The following HIP1R variants were observed in gnomAD, a reference collection of about 807,000 sequenced individuals.
HIP1R encodes the protein huntingtin-interacting protein 1-related protein.
In HIP1R, 135 loss-of-function variants were observed where a neutral mutation model predicts 144.2. The observed-to-expected ratio is 0.94, with a 90% confidence interval of 0.81 to 1.08. The LOEUF is 1.08. Ranked by LOEUF, HIP1R falls within the 50% of genes least tolerant of loss-of-function variation. The pLI, the probability that HIP1R is intolerant of heterozygous loss-of-function variation, is 0.00. For synonymous variants in HIP1R, 698 were observed against 612.8 expected (o/e 1.14, Z -2.05); for missense variants, 1,462 against 1,432.8 (o/e 1.02, Z -0.33).
At position 122,850,837 on chromosome 12, in the gene HIP1R, TCC is replaced by T; in HGVS notation, c.444_445del (p.Gln149ValfsTer10). ...LTKISFHLKHPQFPAGLEVTD... is the reference protein window; with the variant it reads ...LTKISFHLKHXQFPAGLEVTD... ...CTGGGTGGGGGTTCTCTCCACAGCATCCCCAGTTTCCCGCGGGCCTGGAGGTG... is the reference window on the plus strand; with the variant it reads ...CTGGGTGGGGGTTCTCTCCACAGCATCCAGTTTCCCGCGGGCCTGGAGGTG... On this transcript the variant is annotated frameshift_variant, in exon 6 of 32. Coordinates refer to ENST00000253083, the MANE Select transcript of HIP1R (RefSeq NM_003959.3). LOFTEE classifies it high-confidence loss of function. The T allele has an allele frequency of 6.2e-7, 1 of 1,608,436 alleles. No homozygotes were observed. Among genetic ancestry groups the T allele is most frequent in the Non-Finnish European group, 8.5e-7 (1 of 1,178,232 alleles).
At chr12:122,861,094 G>T (rs1355460172) in intron 29 of HIP1R, 37 bp from the exon 30 acceptor site, 3 of 1,613,462 alleles carry the variant, frequency 1.9e-6, no homozygotes, top group African/African-American at 1.3e-5. Context: ...ATGGGGGTGG[G>T]TGCCCAGATG....
chr12:122,861,758 C>A lies in HIP1R; in HGVS notation c.*5C>A. 6.2e-7 allele frequency: 1 copy of A among 1,613,944 alleles called. No individual in the cohort carries two copies. Among genetic ancestry groups the A allele is most frequent in the South Asian group, 1.1e-5 (1 of 91,080 alleles). On this transcript the variant is annotated 3_prime_UTR_variant, in exon 32 of 32. Transcript: ENST00000253083. ...GCTCAACTCGTGAACTACTAGGCCC[C>A]CCAGGGGTCCAGCAGGGTGGCTGGT...
rs757074821 is a variant in HIP1R at position 122,848,722 on chromosome 12, TG to T, written c.301-70del. 8.8e-6 allele frequency: 14 copies of T among 1,598,742 alleles called. No homozygotes were observed. The African/African-American group carries it at 1.2e-4, about 14-fold the overall frequency. ...TCCGGGCTGTTCCTCCCGCCTCGGGTGGGGAGTGCGTGTCTCAGGGCCCTGC... is the reference window on the plus strand; with the variant it reads ...TCCGGGCTGTTCCTCCCGCCTCGGGTGGGAGTGCGTGTCTCAGGGCCCTGC... On this transcript the variant is annotated intron_variant, in intron 3 of 31. Coordinates refer to ENST00000253083, the MANE Select transcript of HIP1R (RefSeq NM_003959.3).
chr12:122,855,361 A>G lies in HIP1R; in HGVS notation c.949A>G (p.Asn317Asp). ...GGCCCCGGAAGATGAGGAGCCGGAGAATCTCATTGAGATCAGCACAGGGCC... is the reference window on the plus strand; with the variant it reads ...GGCCCCGGAAGATGAGGAGCCGGAGGATCTCATTGAGATCAGCACAGGGCC... ...EEAPEDEEPE[N>D]LIEISTGPPA... Residue 317 changes from asparagine (N) to aspartate (D), a missense_variant, in exon 11 of 32, where the codon AAT becomes GAT. Physicochemically the swap from Asn to Asp is conservative, Grantham distance 23 (BLOSUM62 1). This residue lies in a region of HIP1R where 1,112 missense variants were observed against 1,011.7 expected (regional missense o/e 1.10). Coordinates refer to ENST00000253083, the MANE Select transcript of HIP1R (RefSeq NM_003959.3). 3.1e-6 allele frequency: 5 copies of G among 1,600,290 alleles called. No individual in the cohort carries two copies. Among genetic ancestry groups the G allele is most frequent in the Non-Finnish European group, 4.3e-6 (5 of 1,174,580 alleles).
In HIP1R at chr12:122,860,156, G is replaced by A. The variant is rs979389534; in HGVS notation, c.2505G>A (p.Arg835=). ...NSCTDLMKAI[R]LLVTTSTSLQ... is the part of the protein sequence containing the mutation. ...TGTCTTGGTCTCGGCAGGCTATCCG[G>A]CTCCTGGTGACGACATCCACTAGCC... The change falls in exon 26 of 32, where the codon CGG becomes CGA. Residue 835 remains arginine (R), a synonymous_variant. Coordinates refer to ENST00000253083, the MANE Select transcript of HIP1R (RefSeq NM_003959.3). 1.3e-6 allele frequency: 2 copies of A among 1,578,080 alleles called. No individual in the cohort carries two copies.
chr12:122,858,324 G>A (rs1455930951), intron 19 of HIP1R, 25 bp from the exon 20 acceptor site: 1 of 1,598,014 alleles, frequency 6.3e-7, no homozygotes, highest in South Asian at 1.1e-5. Context: ...GGTGGCAGGG[G>A]CCTCAGTTCT....
intron 5 of HIP1R, 36 bp downstream of exon 5, chr12:122,849,991 C>G: frequency 1.4e-6 from 2 of 1,466,972 alleles, no homozygotes; most frequent in Non-Finnish European, 1.9e-6. Flanking sequence ...GCTGAGGGAC[C>G]CGTGGGCTTT....
intron 1 of HIP1R, among the ~76,000 whole-genome samples, chr12:122,845,954 T>C (rs949572812): frequency 9.2e-5 from 14 of 152,048 alleles, no homozygotes; most frequent in Non-Finnish European, 1.0e-4. Flanking sequence ...CATCCCGGGG[T>C]TTCCTCAGTG....
Position 122,850,430 on chromosome 12 carries a change from C to T in HIP1R, c.439-405C>T, listed in dbSNP as rs770308774. 2.3e-4 allele frequency: 58 copies of T among 247,350 alleles called. 2 individuals carry two copies. Among genetic ancestry groups the T allele is most frequent in the South Asian group, 7.6e-4 (32 of 42,354 alleles). The allele number at this position is 247,350 out of a possible 1,614,324, so 15.3% of individuals were successfully genotyped here. A position where few individuals can be genotyped will look rare whatever the true frequency, so the allele number is the denominator to read the frequency against. On this transcript the variant is annotated intron_variant, in intron 5 of 31. Transcript: ENST00000253083. The stretch of plus-strand genomic sequence containing the variant: ...CGCTGGGTTGGGGGGCCCCCTGGTT[C>T]GGTGGCTGCTGGGTGGGGGGGCCCT...
intron 6 of HIP1R, 39 bp from the exon 7 acceptor site, chr12:122,851,197 C>G (rs1171747626): frequency 6.8e-7 from 1 of 1,476,256 alleles, no homozygotes; most frequent in Non-Finnish European, 9.0e-7. Flanking sequence ...GTGGGTCCAC[C>G]CACCCTTTTT....
At chr12:122,855,031 G>C (rs201464595) in intron 9 of HIP1R, 22 bp from the exon 10 acceptor site, 1 of 1,613,696 alleles carries the variant, frequency 6.2e-7, no homozygotes, top group Non-Finnish European at 8.5e-7. Context: ...TCCTGAACCC[G>C]AACTTCCCAC....
intron 30 of HIP1R, 24 bp downstream of exon 30, chr12:122,861,216 G>T: frequency 6.3e-7 from 1 of 1,592,402 alleles, no homozygotes; most frequent in South Asian, 1.1e-5. Context: ...GCTGCCCCGT[G>T]ACCTCTGAGC....
chr12:122,861,037 G>C lies in HIP1R; in HGVS notation c.2888G>C (p.Arg963Thr), dbSNP rs2033754216. ...TKSGQEQIED[R>T]DTMDFSGLSL... ...TCAGGCCAGGAGCAGATTGAGGACAGAGGTGAGTGCCAGATGCCAACGGGG... is the reference window on the plus strand; with the variant it reads ...TCAGGCCAGGAGCAGATTGAGGACACAGGTGAGTGCCAGATGCCAACGGGG... Residue 963 changes from arginine (R) to threonine (T), a missense_variant and splice_region_variant, in exon 29 of 32, where the codon AGA becomes ACA. This residue lies in a region of HIP1R where 1,112 missense variants were observed against 1,011.7 expected (regional missense o/e 1.10). Coordinates refer to ENST00000253083, the MANE Select transcript of HIP1R (RefSeq NM_003959.3). 1.2e-6 allele frequency: 2 copies of C among 1,613,722 alleles called. No homozygotes were observed. The highest frequency in any genetic ancestry group is 1.7e-6 in the Non-Finnish European group (2 of 1,180,018).
At position 122,859,996 on chromosome 12, in the gene HIP1R, G is replaced by A. The variant is rs371006222; in HGVS notation, c.2466-51G>A. On this transcript the variant is annotated intron_variant, in intron 24 of 31. Coordinates refer to ENST00000253083, the MANE Select transcript of HIP1R (RefSeq NM_003959.3). ...ATGTGGCCAGGCCCGCCATGGCGTC[G>A]TGTGGGCTGCTCTGCAGAGCGGCAG... The A allele has an allele frequency of 1.0e-4, 154 of 1,526,724 alleles. No homozygotes were observed. The East Asian group carries it at 2.9e-3, about 29-fold the overall frequency. The allele number at this position is 1,526,724 out of a possible 1,614,324, so 94.6% of individuals were successfully genotyped here.
rs748656730 is a variant in HIP1R, at chr12:122,861,723, C to T, written c.3177C>T (p.Gly1059=). ...CCCTGCAGCTTGACAAAAAGGATGGCATCTACCCAGCTCAACTCGTGAACT... is the reference window on the plus strand; with the variant it reads ...CCCTGCAGCTTGACAAAAAGGATGGTATCTACCCAGCTCAACTCGTGAACT... ...RQDHQLDKKD[G]IYPAQLVNY The change falls in exon 32 of 32, where the codon GGC becomes GGT. Residue 1059 remains glycine, a synonymous_variant. Coordinates refer to ENST00000253083, the MANE Select transcript of HIP1R (RefSeq NM_003959.3). The T allele has an allele frequency of 7.1e-5, 115 of 1,614,006 alleles. No individual in the cohort carries two copies. The Middle Eastern group carries it at 9.9e-4, about 14-fold the overall frequency.
At position 122,861,135 on chromosome 12, in the gene HIP1R, C is replaced by T. The variant is rs754891053; in HGVS notation, c.2895C>T (p.Thr965=). 6.2e-7 allele frequency: 1 copy of T among 1,613,354 alleles called. No individual in the cohort carries two copies. Among genetic ancestry groups the T allele is most frequent in the East Asian group, 2.2e-5 (1 of 44,816 alleles). Residue 965 remains threonine, a synonymous_variant, in exon 30 of 32, where the codon ACC becomes ACT. Transcript: ENST00000253083. ...SGQEQIEDRD[T]MDFSGLSLIK... is the part of the protein sequence containing the mutation. ...CCCCTTGTCCTCCGGCCACAGACAC[C>T]ATGGATTTCTCCGGCCTGTCCCTCA... is the stretch of plus-strand genomic sequence containing the variant.
intron 1 of HIP1R, among the ~76,000 whole-genome samples, chr12:122,841,341 C>T (rs962385593): frequency 1.3e-5 from 2 of 152,256 alleles, no homozygotes; most frequent in South Asian, 4.1e-4. Flanking sequence ...CATGTGTAGA[C>T]CAGGCTCGCC....
intron 1 of HIP1R, among the ~76,000 whole-genome samples, chr12:122,841,173 T>C (rs1696907375): frequency 6.6e-6 from 1 of 151,660 alleles, no homozygotes; most frequent in South Asian, 2.1e-4. Flanking sequence ...AACTTGAATA[T>C]CACCTCCTCT....
intron 14 of HIP1R, 39 bp from the exon 15 acceptor site, chr12:122,856,217 C>T: frequency 6.2e-7 from 1 of 1,613,080 alleles, no homozygotes; most frequent in Non-Finnish European, 8.5e-7. Context: ...GCCCCTGCCA[C>T]CCCACACGGG....
Sources: allele counts gnomAD v4.1 joint callset (sites outside exome capture counted in the v4.1 genomes callset), GRCh38; gene constraint gnomAD v4.1.1; regional missense constraint gnomAD v4.1.1; transcripts MANE v1.5; gene names NCBI Gene and HGNC (gene_info 2026-07-23, HGNC 2026-07-21).